EYS: variants seen among roughly 807,000 people sequenced by gnomAD.
The protein encoded by EYS is protein eyes shut homolog.
In EYS, 250 loss-of-function variants were observed where a neutral mutation model predicts 282.1. That is an observed-to-expected ratio of 0.89 (90% CI 0.80 to 0.98). The LOEUF is 0.98. Ranked by LOEUF, EYS falls within the 50% of genes least tolerant of loss-of-function variation. The pLI is 0.00. For missense variants in EYS, 4,016 were observed against 3,709.0 expected (o/e 1.08, Z -2.15); for synonymous variants, 1,355 against 1,282.9 (o/e 1.06, Z -1.20).
chr6:65,666,766 A>G (rs1446195689), intron 1 of EYS, among the ~76,000 whole-genome samples: 1 of 151,538 alleles, frequency 6.6e-6, no homozygotes, highest in African/African-American at 2.4e-5. Flanking sequence ...TCAGCATCCT[A>G]TAGACATCTT....
intron 26 of EYS, among the ~76,000 whole-genome samples, chr6:64,542,493 G>A (rs1764719504): frequency 2.0e-5 from 3 of 152,004 alleles, no homozygotes. Flanking sequence ...GAGACATATA[G>A]TTTAGTGGGA....
intron 11 of EYS, chr6:65,331,162 A>G (rs1369355448): frequency 4.6e-6 from 4 of 877,650 alleles, no homozygotes; most frequent in Non-Finnish European, 5.5e-6. Context: ...TATATATAAC[A>G]TGATAATTAG....
intron 26 of EYS, among the ~76,000 whole-genome samples, chr6:64,464,732 T>C (rs1465178497): frequency 6.6e-6 from 1 of 152,064 alleles, no homozygotes; most frequent in Admixed American, 6.5e-5. Context: ...CAGATTATTA[T>C]TGAACTTATA....
At chr6:65,077,884 G>T (rs1301905542) in intron 12 of EYS, among the ~76,000 whole-genome samples, 1 of 152,000 alleles carries the variant, frequency 6.6e-6, no homozygotes, top group Admixed American at 6.6e-5. Flanking sequence ...AATTTTAATG[G>T]TTTTAGAAAA....
intron 4 of EYS, 93 bp downstream of exon 4, chr6:65,494,570 C>T (rs1049288597): frequency 3.4e-5 from 42 of 1,218,172 alleles, no homozygotes; most frequent in South Asian, 3.4e-4. Context: ...TGTGAGCCAC[C>T]GCATTTAAAA....
intron 9 of EYS, among the ~76,000 whole-genome samples, chr6:65,345,353 G>A (rs1770354211): frequency 6.6e-6 from 1 of 151,762 alleles, no homozygotes; most frequent in South Asian, 2.1e-4. Flanking sequence ...GTAACATTCT[G>A]AGAGTAATTA....
At chr6:64,141,271 T>C (rs987895908) in intron 31 of EYS, among the ~76,000 whole-genome samples, 2 of 152,162 alleles carry the variant, frequency 1.3e-5, no homozygotes, top group Non-Finnish European at 2.9e-5. Context: ...TAGACAATGA[T>C]GTTGGTTGGC....
chr6:64,412,200 T>G (rs566458427), intron 28 of EYS, among the ~76,000 whole-genome samples: 1 of 152,126 alleles, frequency 6.6e-6, no homozygotes, highest in African/African-American at 2.4e-5. Context: ...TTTTCTAATA[T>G]CCACAGAATA....
intron 8 of EYS, among the ~76,000 whole-genome samples, chr6:65,362,245 C>T (rs1480314279): frequency 3.3e-5 from 5 of 151,996 alleles, no homozygotes; most frequent in Admixed American, 3.3e-4. Flanking sequence ...TTATTAACCA[C>T]ATATGGCACA....
chr6:64,429,462 C>T (rs553040351), intron 28 of EYS, among the ~76,000 whole-genome samples: 1 of 152,202 alleles, frequency 6.6e-6, no homozygotes, highest in Non-Finnish European at 1.5e-5. Flanking sequence ...GAAACTCTGT[C>T]TCTACTAAAA....
At chr6:65,168,318 C>T (rs763643320) in intron 12 of EYS, among the ~76,000 whole-genome samples, 15 of 151,366 alleles carry the variant, frequency 9.9e-5, no homozygotes, top group Non-Finnish European at 8.9e-5. Flanking sequence ...TCCTGTAGTT[C>T]ATGAGTCTTA....
At chr6:65,636,974 G>C (rs1767108849) in intron 2 of EYS, among the ~76,000 whole-genome samples, 1 of 152,014 alleles carries the variant, frequency 6.6e-6, no homozygotes, top group Non-Finnish European at 1.5e-5. Flanking sequence ...ACCACAGTTG[G>C]ATATGTTGTT....
intron 19 of EYS, among the ~76,000 whole-genome samples, chr6:64,864,382 C>CTTTTTTTTTTTTTTTTTTTTTTTTT (rs1562231995): frequency 2.5e-5 from 1 of 40,090 alleles, no homozygotes; most frequent in African/African-American, 7.3e-5. Flanking sequence ...GGTGCTATAC[C>CTTTTTTTTTTTTTTTTTTTTTTTTT]TTCTTTTTTT....
At position 63,720,318 on chromosome 6, in the gene EYS, A is replaced by G. The variant is rs572403267; in HGVS notation, c.*278T>C. 3.2e-4 allele frequency: 129 copies of G among 398,898 alleles called. No homozygotes were observed. Among genetic ancestry groups the G allele is most frequent in the African/African-American group, 2.4e-3 (118 of 48,466 alleles). The allele number at this position is 398,898 out of a possible 1,614,324, so 24.7% of individuals were successfully genotyped here. A position where few individuals can be genotyped will look rare whatever the true frequency, so the allele number is the denominator to read the frequency against. On this transcript the variant is annotated 3_prime_UTR_variant, in exon 43 of 43. Coordinates refer to ENST00000503581, the MANE Select transcript of EYS (RefSeq NM_001142800.2). The stretch of plus-strand genomic sequence containing the variant: ...AAATGTAAGCATTAGGGATAGGTAA[A>G]AAGTGAATAAGCAAAGTGAATAAGC...
At chr6:65,356,257 T>C (rs1170420138) in intron 8 of EYS, among the ~76,000 whole-genome samples, 1 of 152,064 alleles carries the variant, frequency 6.6e-6, no homozygotes, top group African/African-American at 2.4e-5. Flanking sequence ...CTGTCTAAGG[T>C]ATTTTGTTTT....
At chr6:65,608,798 A>T (rs1432937983) in intron 2 of EYS, among the ~76,000 whole-genome samples, 2 of 152,076 alleles carry the variant, frequency 1.3e-5, no homozygotes, top group African/African-American at 4.8e-5. Flanking sequence ...GTTAAAAACT[A>T]AGATACAAAC....
chr6:64,738,048 A>G (rs370233676), intron 22 of EYS, among the ~76,000 whole-genome samples: 810 of 61,700 alleles, frequency 0.013, 12 homozygotes, highest in African/African-American at 0.029. Flanking sequence ...TAGCATGTGT[A>G]CTATCGAGAA....
At chr6:65,078,778 T>A (rs1174601967) in intron 12 of EYS, among the ~76,000 whole-genome samples, 1 of 151,934 alleles carries the variant, frequency 6.6e-6, no homozygotes, top group Admixed American at 6.6e-5. Flanking sequence ...TAATCCTCAA[T>A]GTTGGAGGTG....
At chr6:65,162,102 A>G (rs1764864135) in intron 12 of EYS, among the ~76,000 whole-genome samples, 1 of 151,262 alleles carries the variant, frequency 6.6e-6, no homozygotes, top group Non-Finnish European at 1.5e-5. Flanking sequence ...TAATGGAAAG[A>G]GCATGGACTT....
Sources: allele counts gnomAD v4.1 joint callset (sites outside exome capture counted in the v4.1 genomes callset), GRCh38; gene constraint gnomAD v4.1.1; transcripts MANE v1.5; gene names NCBI Gene and HGNC (gene_info 2026-07-23, HGNC 2026-07-21).